CNNM2: variants seen among roughly 807,000 people sequenced by gnomAD.
CNNM2 encodes metal transporter CNNM2.
Under a neutral mutation model 66.9 loss-of-function variants are expected in CNNM2, and 12 were observed. That is an observed-to-expected ratio of 0.18 (90% CI 0.11 to 0.29). The LOEUF (loss-of-function observed/expected upper bound fraction) is 0.29. CNNM2 is among the 10% of genes least tolerant of loss of function. The pLI, the probability that CNNM2 is intolerant of heterozygous loss-of-function variation, is 1.00. For missense variants in CNNM2, 705 were observed against 1,167.7 expected (o/e 0.60, Z 5.77); for synonymous variants, 557 against 501.8 (o/e 1.11, Z -1.47).
chr10:102,947,199 CTATAATCCT>C (rs1846647396), intron 1 of CNNM2, among the ~76,000 whole-genome samples: 1 of 152,118 alleles, frequency 6.6e-6, no homozygotes, highest in African/African-American at 2.4e-5. Context: ...TTCATAGGTA[CTATAATCCT>C]TTTATAGTTC....
chr10:103,002,163 A>G (rs1239758957), intron 1 of CNNM2, among the ~76,000 whole-genome samples: 1 of 152,224 alleles, frequency 6.6e-6, no homozygotes, highest in Non-Finnish European at 1.5e-5. Context: ...TTCTGCTCCT[A>G]AAGGATACCA....
intron 1 of CNNM2, among the ~76,000 whole-genome samples, chr10:102,949,954 A>G (rs1846766390): frequency 6.6e-6 from 1 of 152,210 alleles, no homozygotes; most frequent in African/African-American, 2.4e-5. Flanking sequence ...TATTGAGTCC[A>G]TGATATGTTC....
At chr10:102,983,435 G>A (rs2063748927) in intron 1 of CNNM2, among the ~76,000 whole-genome samples, 1 of 150,726 alleles carries the variant, frequency 6.6e-6, no homozygotes, top group Non-Finnish European at 1.5e-5. Flanking sequence ...GCCAAGTCGG[G>A]CAGATCACAA....
In CNNM2 at chr10:103,080,437, T is replaced by TA. The variant is rs1374084411; in HGVS notation, c.*3258dup. 5.3e-5 allele frequency: 8 copies of TA among 152,208 alleles called. No homozygotes were observed. The highest frequency in any genetic ancestry group is 2.1e-4 in the South Asian group (1 of 4,824). 9.4% of individuals were successfully genotyped at this position (152,208 alleles called of 1,614,324 possible). ...CTTAGGAAAACAAAATCTTAAGACT[T>TA]ACACAGATATCGGGGTGCTAATCAA... On this transcript the variant is annotated 3_prime_UTR_variant, in exon 8 of 8. Transcript: ENST00000369878.
chr10:103,022,740 G>A (rs1393881624), intron 1 of CNNM2, among the ~76,000 whole-genome samples: 1 of 152,128 alleles, frequency 6.6e-6, no homozygotes, highest in Non-Finnish European at 1.5e-5. Context: ...AAGAAAAAAG[G>A]TTTATTTTGG....
chr10:103,024,625 C>T (rs903363008), intron 1 of CNNM2, among the ~76,000 whole-genome samples: 1 of 151,816 alleles, frequency 6.6e-6, no homozygotes, highest in East Asian at 1.9e-4. Context: ...ACTGCAGGTG[C>T]GTGCCACCAT....
In CNNM2 at chr10:103,082,726, T is replaced by C. The variant is rs1172938982; in HGVS notation, c.*5546T>C. On this transcript the variant is annotated 3_prime_UTR_variant, in exon 8 of 8. Transcript: ENST00000369878. ...GCCCTAGCATCCCCAGCCCCTTTAG[T>C]TGGGCCCACCTGTATTCCTTATGAC... 2 of 152,162 alleles carry C rather than the reference T, an allele frequency of 1.3e-5. No individual in the cohort carries two copies. The highest frequency in any genetic ancestry group is 6.5e-5 in the Admixed American group (1 of 15,286). The allele number at this position is 152,162 out of a possible 1,614,324, so 9.4% of individuals were successfully genotyped here.
rs2065772840 is a variant in CNNM2, at chr10:103,083,113, C to T, written c.*5933C>T. ...GTGTCTGACTTTGATCCTCCTCAGCCTTTATTCACTGTATCATAGTGTACA... is the reference window on the plus strand; with the variant it reads ...GTGTCTGACTTTGATCCTCCTCAGCTTTTATTCACTGTATCATAGTGTACA... On this transcript the variant is annotated 3_prime_UTR_variant, in exon 8 of 8. Coordinates refer to ENST00000369878, the MANE Select transcript of CNNM2 (RefSeq NM_017649.5). 1 of 152,156 alleles carries T rather than the reference C, an allele frequency of 6.6e-6. No individual in the cohort carries two copies. Among genetic ancestry groups the T allele is most frequent in the Non-Finnish European group, 1.5e-5 (1 of 68,032 alleles). The allele number at this position is 152,156 out of a possible 1,614,324, so 9.4% of individuals were successfully genotyped here. A position where few individuals can be genotyped will look rare whatever the true frequency, so the allele number is the denominator to read the frequency against.
rs71019651 is a variant in CNNM2, at chr10:103,034,972, CA to C, written c.1622-14717del. 5.8e-3 allele frequency among the ~76,000 whole-genome samples: 415 copies of C among 71,126 alleles called. 20 individuals are homozygous for C. Among genetic ancestry groups the C allele is most frequent in the Non-Finnish European group, 6.8e-3 (255 of 37,578 alleles). The allele number at this position is 71,126 out of a possible 152,430, so 46.7% of individuals were successfully genotyped here. ...TGGGCGACAGAGCGAGACTCCGTCT[CA>C]AAAAAAAAAAAAAAAAATCTCCTAC... On this transcript the variant is annotated intron_variant, in intron 1 of 7. Coordinates refer to ENST00000369878, the MANE Select transcript of CNNM2 (RefSeq NM_017649.5).
chr10:103,016,736 T>A (rs531961889), intron 1 of CNNM2, among the ~76,000 whole-genome samples: 1 of 152,196 alleles, frequency 6.6e-6, no homozygotes, highest in Non-Finnish European at 1.5e-5. Context: ...TTGATGATCC[T>A]TCTATAGTTC....
At chr10:103,042,820 G>A (rs567186589) in intron 1 of CNNM2, among the ~76,000 whole-genome samples, 162 of 152,270 alleles carry the variant, frequency 1.1e-3, no homozygotes, top group Non-Finnish European at 1.8e-3. Context: ...TTCCTCTGGA[G>A]ATCTTAAGTG....
intron 1 of CNNM2, among the ~76,000 whole-genome samples, chr10:102,966,746 A>G (rs1335208131): frequency 3.9e-5 from 6 of 152,232 alleles, no homozygotes; most frequent in African/African-American, 1.4e-4. Context: ...GATTAATAAC[A>G]TGGTCCTTTC....
At chr10:103,051,576 A>G (rs1007363341) in intron 2 of CNNM2, among the ~76,000 whole-genome samples, 20 of 151,660 alleles carry the variant, frequency 1.3e-4, no homozygotes, top group Admixed American at 1.2e-3. Flanking sequence ...CACCATCTCT[A>G]CAAAAATATA....
intron 7 of CNNM2, 71 bp downstream of exon 7, chr10:103,076,341 T>G: frequency 6.8e-7 from 1 of 1,463,374 alleles, no homozygotes; most frequent in Non-Finnish European, 9.3e-7. Context: ...ATTGTCTGTT[T>G]TGCTCCTTGC....
At chr10:103,049,484 A>G (rs953783347) in intron 1 of CNNM2, among the ~76,000 whole-genome samples, 1 of 152,184 alleles carries the variant, frequency 6.6e-6, no homozygotes, top group Non-Finnish European at 1.5e-5. Flanking sequence ...GTGCAGTGCA[A>G]TGTATGTGGA....
chr10:103,010,457 T>C (rs1293174363), intron 1 of CNNM2, among the ~76,000 whole-genome samples: 1 of 152,006 alleles, frequency 6.6e-6, no homozygotes, highest in Non-Finnish European at 1.5e-5. Flanking sequence ...GTTGAACTCA[T>C]GGGCTCAAGC....
intron 1 of CNNM2, among the ~76,000 whole-genome samples, chr10:102,928,753 G>T (rs558006878): frequency 2.6e-5 from 4 of 152,096 alleles, no homozygotes; most frequent in Non-Finnish European, 5.9e-5. Context: ...TGTATGAGGC[G>T]CTGGTTCAGA....
intron 1 of CNNM2, among the ~76,000 whole-genome samples, chr10:102,941,108 TTTGA>T (rs2134178661): frequency 6.6e-6 from 1 of 152,320 alleles, no homozygotes; most frequent in East Asian, 1.9e-4. Flanking sequence ...ATCAGTCTAT[TTTGA>T]TTATCATTAA....
intron 1 of CNNM2, among the ~76,000 whole-genome samples, chr10:102,974,363 G>A (rs537089510): frequency 1.3e-5 from 2 of 152,148 alleles, no homozygotes; most frequent in African/African-American, 4.8e-5. Context: ...TTGACTGGAC[G>A]AATGTAGATC....
Sources: gnomAD v4.1 joint callset for allele counts (sites outside exome capture counted in the v4.1 genomes callset) on GRCh38, gnomAD v4.1.1 for gene constraint, MANE v1.5 for transcripts, NCBI Gene and HGNC (gene_info 2026-07-23, HGNC 2026-07-21) for gene names.